The following NRG1 variants were observed in gnomAD, a reference collection of about 807,000 sequenced individuals.
NRG1 encodes the protein neuregulin 1, also known as pro-neuregulin-1, membrane-bound isoform.
In NRG1, 18 loss-of-function variants were observed where a neutral mutation model predicts 63.8. The ratio of observed to expected loss-of-function variants is 0.28; its 90% confidence interval spans 0.19 to 0.42. NRG1 has a LOEUF of 0.42. Ranked by LOEUF, NRG1 falls within the 10% of genes least tolerant of loss-of-function variation. The pLI is 1.00. For missense variants in NRG1, 762 were observed against 814.7 expected (o/e 0.94, Z 0.79); for synonymous variants, 302 against 301.3 (o/e 1.00, Z -0.02).
chr8:32,722,859 G>A (rs1364791603), intron 5 of NRG1, among the ~76,000 whole-genome samples: 1 of 152,080 alleles, frequency 6.6e-6, no homozygotes, highest in East Asian at 1.9e-4. Flanking sequence ...TTTTTGACAA[G>A]TAGTTTTGAT....
chr8:31,669,541 A>G (rs998539795), intron 1 of NRG1, among the ~76,000 whole-genome samples: 2 of 152,094 alleles, frequency 1.3e-5, no homozygotes, highest in Non-Finnish European at 2.9e-5. Context: ...ACTCAGCCTT[A>G]TACAATATTT....
chr8:32,349,196 A>G (rs999975330), intron 1 of NRG1, among the ~76,000 whole-genome samples: 1 of 152,046 alleles, frequency 6.6e-6, no homozygotes, highest in African/African-American at 2.4e-5. Flanking sequence ...TATGCTGCCA[A>G]TCAGAATCCC....
At chr8:31,646,020 C>T (rs771930029) in intron 1 of NRG1, among the ~76,000 whole-genome samples, 12 of 152,158 alleles carry the variant, frequency 7.9e-5, no homozygotes, top group Non-Finnish European at 1.8e-4. Context: ...CTAGCCTTCT[C>T]TCGAAACCTT....
chr8:31,820,129 A>C (rs1403010744), intron 1 of NRG1, among the ~76,000 whole-genome samples: 1 of 152,216 alleles, frequency 6.6e-6, no homozygotes, highest in Non-Finnish European at 1.5e-5. Flanking sequence ...TCTCTAGATC[A>C]GAGAACAGAT....
intron 1 of NRG1, among the ~76,000 whole-genome samples, chr8:32,467,936 G>T (rs1823282062): frequency 6.6e-6 from 1 of 152,160 alleles, no homozygotes; most frequent in African/African-American, 2.4e-5. Context: ...TGCCTCTTAG[G>T]TACTTTGAAA....
At chr8:32,620,525 A>G (rs1848153867) in intron 5 of NRG1, among the ~76,000 whole-genome samples, 1 of 148,678 alleles carries the variant, frequency 6.7e-6, no homozygotes, top group African/African-American at 2.4e-5. Flanking sequence ...TTAGAAGAAA[A>G]AAAAAAAAAA....
intron 1 of NRG1, among the ~76,000 whole-genome samples, chr8:32,254,811 T>C (rs1196900110): frequency 1.3e-5 from 2 of 152,202 alleles, no homozygotes. Flanking sequence ...AGTCTAAGTC[T>C]CTTTGTAGGT....
At chr8:32,695,359 A>AAG (rs751255746) in intron 5 of NRG1, among the ~76,000 whole-genome samples, 3 of 151,934 alleles carry the variant, frequency 2.0e-5, no homozygotes, top group African/African-American at 7.3e-5. Context: ...GAAGGAAAGA[A>AAG]AGAGAGAGAG....
At chr8:31,776,133 A>G (rs1426238026) in intron 1 of NRG1, among the ~76,000 whole-genome samples, 1 of 152,160 alleles carries the variant, frequency 6.6e-6, no homozygotes, top group East Asian at 1.9e-4. Flanking sequence ...TCAAATTTTT[A>G]GGTTTTGTCA....
chr8:32,413,384 C>G (rs1815386199), intron 1 of NRG1, among the ~76,000 whole-genome samples: 1 of 152,130 alleles, frequency 6.6e-6, no homozygotes, highest in African/African-American at 2.4e-5. Context: ...GAGATGGTAA[C>G]TAAATATACT....
intron 1 of NRG1, among the ~76,000 whole-genome samples, chr8:31,680,604 T>C (rs1227162640): frequency 6.6e-6 from 1 of 150,476 alleles, no homozygotes; most frequent in African/African-American, 2.4e-5. Flanking sequence ...CAAACATACG[T>C]GTGCATGTGT....
intron 1 of NRG1, among the ~76,000 whole-genome samples, chr8:31,835,587 TA>T (rs757715741): frequency 8.3e-4 from 126 of 152,284 alleles, no homozygotes; most frequent in Middle Eastern, 3.4e-3. Flanking sequence ...TCAGATTCAT[TA>T]AAATCACCGG....
At chr8:31,778,696 A>G (rs1275913171) in intron 1 of NRG1, among the ~76,000 whole-genome samples, 1 of 152,232 alleles carries the variant, frequency 6.6e-6, no homozygotes, top group African/African-American at 2.4e-5. Flanking sequence ...AGGGCTTTGC[A>G]CACATTAATC....
intron 5 of NRG1, among the ~76,000 whole-genome samples, chr8:32,701,144 A>G (rs1205667237): frequency 3.9e-5 from 6 of 152,216 alleles, no homozygotes; most frequent in Non-Finnish European, 7.3e-5. Context: ...TTTGGAAGTA[A>G]CATTCATGCT....
intron 1 of NRG1, among the ~76,000 whole-genome samples, chr8:32,065,798 A>G (rs1824695291): frequency 6.6e-6 from 1 of 152,176 alleles, no homozygotes; most frequent in Non-Finnish European, 1.5e-5. Flanking sequence ...TTACAGTCCC[A>G]CCAACAGTGC....
intron 7 of NRG1, among the ~76,000 whole-genome samples, chr8:32,773,941 C>T (rs1374209490): frequency 1.3e-5 from 2 of 152,128 alleles, no homozygotes; most frequent in African/African-American, 4.8e-5. Context: ...GGCCTACGAA[C>T]TTTATGATTA....
At position 32,727,936 on chromosome 8, in the gene NRG1, C is replaced by G. The variant is rs376514223; in HGVS notation, c.503-13C>G. On this transcript the variant is annotated splice_polypyrimidine_tract_variant and intron_variant, in intron 5 of 11. Transcript: ENST00000356819. ...AAGTCCATGTTAACCTTTCTCCTTT[C>G]TCTCCTCTTCAGCTACATCTACATC... The G allele has an allele frequency of 9.1e-5, 146 of 1,613,258 alleles. No homozygotes were observed. The highest frequency in any genetic ancestry group is 1.0e-4 in the Non-Finnish European group (122 of 1,179,602).
intron 1 of NRG1, among the ~76,000 whole-genome samples, chr8:32,225,195 C>A (rs1846197172): frequency 6.6e-6 from 1 of 152,176 alleles, no homozygotes; most frequent in Non-Finnish European, 1.5e-5. Context: ...CTCCCTGGAG[C>A]TATTAGCTTG....
At chr8:32,013,846 CCT>C (rs1361795949) in intron 1 of NRG1, among the ~76,000 whole-genome samples, 1 of 152,232 alleles carries the variant, frequency 6.6e-6, no homozygotes, top group Middle Eastern at 3.4e-3. Flanking sequence ...TCCCTATTCA[CCT>C]CTGTCATCAC....
Sources: gnomAD v4.1 joint callset for allele counts (sites outside exome capture counted in the v4.1 genomes callset) on GRCh38, gnomAD v4.1.1 for gene constraint, MANE v1.5 for transcripts, NCBI Gene and HGNC (gene_info 2026-07-23, HGNC 2026-07-21) for gene names.